The following SYT16 variants were observed in gnomAD, a reference collection of about 807,000 sequenced individuals.
The protein encoded by SYT16 is synaptotagmin 16.
Under a neutral mutation model 61.4 loss-of-function variants are expected in SYT16, and 42 were observed. That is an observed-to-expected ratio of 0.68 (90% CI 0.53 to 0.89). The LOEUF is 0.89. SYT16 is among the 40% of genes least tolerant of loss of function. The pLI, the probability that SYT16 is intolerant of heterozygous loss-of-function variation, is 0.00. For synonymous variants in SYT16, 314 were observed against 302.3 expected (o/e 1.04, Z -0.40); for missense variants, 804 against 807.3 (o/e 1.00, Z 0.05).
intron 3 of SYT16, among the ~76,000 whole-genome samples, chr14:62,013,774 G>T (rs1409379728): frequency 1.3e-5 from 2 of 152,110 alleles, no homozygotes; most frequent in African/African-American, 4.8e-5. Context: ...GACCAGCCTG[G>T]CCAATATGGT....
At chr14:61,812,543 G>T (rs891005601), upstream of SYT16, among the ~76,000 whole-genome samples, 1 of 151,088 alleles carries the variant, frequency 6.6e-6, no homozygotes, top group African/African-American at 2.4e-5. Flanking sequence ...GGGAGATCCA[G>T]CCTCTAGGCG....
At chr14:62,042,139 T>C (rs2054756641) in intron 3 of SYT16, among the ~76,000 whole-genome samples, 1 of 152,180 alleles carries the variant, frequency 6.6e-6, no homozygotes, top group Admixed American at 6.6e-5. Context: ...ATGGGTATAT[T>C]ATCTTTTCTG....
At chr14:61,853,689 G>T (rs1308383165) in intron 1 of SYT16, among the ~76,000 whole-genome samples, 1 of 152,142 alleles carries the variant, frequency 6.6e-6, no homozygotes, top group Non-Finnish European at 1.5e-5. Flanking sequence ...TAAGCCGCTA[G>T]CTTATGGCAT....
intron 1 of SYT16, among the ~76,000 whole-genome samples, chr14:61,846,853 G>A (rs2046459869): frequency 6.6e-6 from 1 of 151,894 alleles, no homozygotes; most frequent in African/African-American, 2.4e-5. Context: ...GTTACCATGA[G>A]GCTTGCAAAT....
intron 3 of SYT16, among the ~76,000 whole-genome samples, chr14:62,037,686 T>C (rs1325359906): frequency 6.6e-6 from 1 of 152,240 alleles, no homozygotes; most frequent in Non-Finnish European, 1.5e-5. Flanking sequence ...AAATAATACA[T>C]GGTACATGTA....
intron 1 of SYT16, among the ~76,000 whole-genome samples, chr14:61,921,943 G>T (rs563316253): frequency 6.6e-6 from 1 of 152,310 alleles, no homozygotes; most frequent in African/African-American, 2.4e-5. Context: ...TTTACCCCAA[G>T]CAAGTACTTC....
chr14:61,842,974 A>G (rs1833067219), intron 1 of SYT16, among the ~76,000 whole-genome samples: 1 of 152,180 alleles, frequency 6.6e-6, no homozygotes, highest in African/African-American at 2.4e-5. Context: ...TTCTTTATCC[A>G]CGCATCTGTG....
At chr14:61,929,145 G>C (rs1242235883) in intron 1 of SYT16, among the ~76,000 whole-genome samples, 1 of 152,202 alleles carries the variant, frequency 6.6e-6, no homozygotes, top group East Asian at 1.9e-4. Context: ...AGTTCAGGCT[G>C]TTTTGATGTA....
At chr14:62,020,919 A>G (rs1460611357) in intron 3 of SYT16, among the ~76,000 whole-genome samples, 3 of 152,190 alleles carry the variant, frequency 2.0e-5, no homozygotes, top group African/African-American at 4.8e-5. Flanking sequence ...GTTCACACTC[A>G]TAAGTGGTGA....
In SYT16 at chr14:62,110,806, C is replaced by G. The variant is rs114954849; in HGVS notation, c.*10099C>G. ...ACAGGCAAAGTATTAAATGGAATAG[C>G]TTTTCCTCCCCTACAAAGTGGATTT... On this transcript the variant is annotated 3_prime_UTR_variant, in exon 8 of 8. Transcript: ENST00000683842. 146 of 152,102 alleles carry G rather than the reference C, an allele frequency of 9.6e-4. No homozygotes were observed. Among genetic ancestry groups the G allele is most frequent in the African/African-American group, 3.4e-3 (142 of 41,530 alleles). 9.4% of individuals were successfully genotyped at this position (152,102 alleles called of 1,614,324 possible).
intron 3 of SYT16, among the ~76,000 whole-genome samples, chr14:62,014,734 G>T (rs1231876502): frequency 6.6e-6 from 1 of 151,858 alleles, no homozygotes; most frequent in African/African-American, 2.4e-5. Flanking sequence ...GCGCCCGGCT[G>T]GTTTCTCTAT....
intron 3 of SYT16, among the ~76,000 whole-genome samples, chr14:62,043,951 G>A (rs1309980912): frequency 6.6e-6 from 1 of 152,088 alleles, no homozygotes; most frequent in Non-Finnish European, 1.5e-5. Context: ...GGGATTACAG[G>A]CATGAACCAC....
intron 3 of SYT16, among the ~76,000 whole-genome samples, chr14:61,998,519 T>C (rs1018308677): frequency 1.3e-5 from 2 of 152,038 alleles, no homozygotes; most frequent in African/African-American, 4.8e-5. Context: ...TGTTGTGTGT[T>C]TCAGTAGTTT....
At chr14:61,882,280 A>G (rs150939932) in intron 1 of SYT16, among the ~76,000 whole-genome samples, 15 of 152,370 alleles carry the variant, frequency 9.8e-5, no homozygotes, top group Non-Finnish European at 2.2e-4. Context: ...AGTAATTTAT[A>G]GTTAATTTTA....
chr14:61,882,604 C>G (rs1472224347), intron 1 of SYT16, among the ~76,000 whole-genome samples: 1 of 152,178 alleles, frequency 6.6e-6, no homozygotes, highest in Non-Finnish European at 1.5e-5. Flanking sequence ...TCCTCCCCAG[C>G]CCCTCCCATA....
At chr14:61,881,494 A>C (rs1011512943) in intron 1 of SYT16, among the ~76,000 whole-genome samples, 2 of 152,208 alleles carry the variant, frequency 1.3e-5, no homozygotes, top group Admixed American at 6.5e-5. Flanking sequence ...TATCCTCTGC[A>C]TCTCTAAGCA....
chr14:61,949,413 G>A (rs1036634934), intron 1 of SYT16, among the ~76,000 whole-genome samples: 1 of 152,150 alleles, frequency 6.6e-6, no homozygotes, highest in African/African-American at 2.4e-5. Flanking sequence ...GTATCTCTGT[G>A]TGAACGTTAA....
At chr14:62,009,516 A>G (rs779028488) in intron 3 of SYT16, among the ~76,000 whole-genome samples, 1 of 152,188 alleles carries the variant, frequency 6.6e-6, no homozygotes, top group Non-Finnish European at 1.5e-5. Context: ...TCAAACTACT[A>G]TCTCTCAGCT....
At chr14:62,082,547 T>C (rs956924330) in intron 6 of SYT16, among the ~76,000 whole-genome samples, 5 of 152,166 alleles carry the variant, frequency 3.3e-5, no homozygotes, top group African/African-American at 9.7e-5. Flanking sequence ...GCGGTGGTCT[T>C]TCCACTTCTG....
Sources: gnomAD v4.1 joint callset for allele counts (sites outside exome capture counted in the v4.1 genomes callset) on GRCh38, gnomAD v4.1.1 for gene constraint, MANE v1.5 for transcripts, NCBI Gene and HGNC (gene_info 2026-07-23, HGNC 2026-07-21) for gene names.